STK4: variants seen among roughly 807,000 people sequenced by gnomAD.
The protein encoded by STK4 is serine/threonine kinase 4.
STK4 carries 30 observed loss-of-function variants against 64.9 expected under a neutral mutation model. That is an observed-to-expected ratio of 0.46 (90% CI 0.35 to 0.63). STK4 has a LOEUF of 0.63. Among genes scored for constraint, STK4 ranks in the 20% least tolerant of loss-of-function variants. STK4 has a pLI of 0.01. For missense variants in STK4, 466 were observed against 598.5 expected, an observed-to-expected ratio of 0.78 and a Z score of 2.31; for synonymous variants, 177 against 199.0, an observed-to-expected ratio of 0.89 and a Z score of 0.93.
rs578197202 is a variant in STK4, at chr20:44,985,641, CT to C, written c.361-1484del. Among the ~76,000 whole-genome samples, 24 of 152,300 alleles carry C rather than the reference CT, an allele frequency of 1.6e-4. 1 individual carries two copies. The South Asian group carries it at 4.1e-3, about 26-fold the overall frequency. On this transcript the variant is annotated intron_variant, in intron 4 of 10. Coordinates refer to ENST00000372806, the MANE Select transcript of STK4 (RefSeq NM_006282.5). ...TACAGGCATGTGCCACTGTGCTTGACTTTTTTTCATATTATTAGCATAGTAC... is the reference window on the plus strand; with the variant it reads ...TACAGGCATGTGCCACTGTGCTTGACTTTTTTCATATTATTAGCATAGTAC...
chr20:45,005,504 C>T (rs555487921), intron 9 of STK4, among the ~76,000 whole-genome samples: 4 of 151,946 alleles, frequency 2.6e-5, no homozygotes, highest in East Asian at 1.9e-4. Context: ...AAATATTAGC[C>T]GGGCATGGTG....
Position 45,001,321 on chromosome 20 carries a change from C to T in STK4, c.1115C>T (p.Ala372Val), listed in dbSNP as rs1166439547. 1.2e-6 allele frequency: 2 copies of T among 1,613,406 alleles called. No homozygotes were observed. Among genetic ancestry groups the T allele is most frequent in the African/African-American group, 1.3e-5 (1 of 74,904 alleles). ...CAACTGGGCACCATGGTGATCAATG[C>T]AGAGGATGAGGAAGAGGAAGGAACT... Reference protein sequence around the residue: ...PSQLGTMVINAEDEEEEGTMK... With the variant: ...PSQLGTMVINVEDEEEEGTMK... The change falls in exon 9 of 11, where the codon GCA becomes GTA. Residue 372 changes from alanine to valine, a missense_variant. By Grantham distance (64) the Ala-to-Val change is moderately conservative. Transcript: ENST00000372806.
At chr20:45,015,156 G>C (rs1336709084) in intron 9 of STK4, among the ~76,000 whole-genome samples, 1 of 152,184 alleles carries the variant, frequency 6.6e-6, no homozygotes, top group African/African-American at 2.4e-5. Flanking sequence ...ACCTATTGTT[G>C]CTGTGAGTTT....
At chr20:44,981,103 CAT>C (rs1357083800) in intron 3 of STK4, among the ~76,000 whole-genome samples, 1 of 152,134 alleles carries the variant, frequency 6.6e-6, no homozygotes, top group African/African-American at 2.4e-5. Context: ...CATGTTATCA[CAT>C]AGTCTATAAC....
At chr20:44,999,205 G>A (rs180781501) in intron 7 of STK4, among the ~76,000 whole-genome samples, 1 of 152,314 alleles carries the variant, frequency 6.6e-6, no homozygotes, top group African/African-American at 2.4e-5. Flanking sequence ...TCTTATTACA[G>A]AAGGTGGGAT....
intron 7 of STK4, among the ~76,000 whole-genome samples, chr20:44,999,985 A>G (rs1202577799): frequency 1.2e-4 from 19 of 152,234 alleles, no homozygotes; most frequent in Admixed American, 1.2e-3. Flanking sequence ...AAATGTGCAG[A>G]ATCTGCCACA....
Position 45,025,031 on chromosome 20 carries a change from A to G in STK4, c.1206A>G (p.Lys402=). The part of the protein sequence containing the change: ...KPSFLEYFEQ[K]EKENQINSFG... Reference sequence around the variant, plus strand: ...CCTTTCTTGAATATTTTGAACAAAAAGAAAAGGAAAACCAGATCAACAGCT... The same window carrying G: ...CCTTTCTTGAATATTTTGAACAAAAGGAAAAGGAAAACCAGATCAACAGCT... Residue 402 remains lysine, a synonymous_variant, in exon 10 of 11, where the codon AAA becomes AAG. Transcript: ENST00000372806. 2 of 1,613,640 alleles carry G rather than the reference A, an allele frequency of 1.2e-6. No homozygotes were observed. Among genetic ancestry groups the G allele is most frequent in the Non-Finnish European group, 1.7e-6 (2 of 1,179,776 alleles).
chr20:44,985,575 T>G (rs2067517697), intron 4 of STK4, among the ~76,000 whole-genome samples: 1 of 152,204 alleles, frequency 6.6e-6, no homozygotes, highest in Non-Finnish European at 1.5e-5. Flanking sequence ...ACTCCTGGCC[T>G]CAAGTGATCT....
chr20:44,975,420 G>A (rs915997836), intron 2 of STK4: 2 of 978,854 alleles, frequency 2.0e-6, no homozygotes, highest in South Asian at 4.7e-5. Flanking sequence ...GGTATGAAGA[G>A]TGTTCTGGTC....
chr20:45,003,729 T>TTTTTA (rs2067882926), intron 9 of STK4, among the ~76,000 whole-genome samples: 1 of 150,968 alleles, frequency 6.6e-6, no homozygotes, highest in African/African-American at 2.4e-5. Flanking sequence ...TTTTTTTTTT[T>TTTTTA]TTTGGAGACG....
chr20:45,057,777 C>T (rs995033112), intron 10 of STK4, among the ~76,000 whole-genome samples: 3 of 152,112 alleles, frequency 2.0e-5, no homozygotes, highest in African/African-American at 7.2e-5. Context: ...TTAAACCTTT[C>T]AAAATGAAAA....
Position 44,978,412 on chromosome 20 carries a change from T to C in STK4, c.117-31T>C, listed in dbSNP as rs112959248. ...CTTATATCTTGGCTTGCTTTGACTTTATAAATGTTCTTCTTCTCCCAAATG... is the reference window on the plus strand; with the variant it reads ...CTTATATCTTGGCTTGCTTTGACTTCATAAATGTTCTTCTTCTCCCAAATG... On this transcript the variant is annotated intron_variant, in intron 2 of 10. Coordinates refer to ENST00000372806, the MANE Select transcript of STK4 (RefSeq NM_006282.5). 6.7e-4 allele frequency: 1,065 copies of C among 1,598,604 alleles called. 5 individuals are homozygous for C. The African/African-American group carries it at 0.012, about 19-fold the overall frequency.
intron 10 of STK4, among the ~76,000 whole-genome samples, chr20:45,026,315 A>AAG (rs1461560771): frequency 3.9e-5 from 4 of 102,790 alleles, no homozygotes; most frequent in African/African-American, 1.3e-4. Context: ...AGGAGACAGA[A>AAG]AGAGTGTGTG....
chr20:45,018,066 A>C (rs148250609), intron 9 of STK4, among the ~76,000 whole-genome samples: 3 of 152,382 alleles, frequency 2.0e-5, no homozygotes, highest in Admixed American at 6.5e-5. Flanking sequence ...TAAAGCACTT[A>C]GGTGCCTGGT....
intron 2 of STK4, 26 bp from the exon 3 acceptor site, chr20:44,978,417 A>T: frequency 6.3e-7 from 1 of 1,599,080 alleles, no homozygotes; most frequent in East Asian, 2.2e-5. Flanking sequence ...GACTTTATAA[A>T]TGTTCTTCTT....
intron 10 of STK4, among the ~76,000 whole-genome samples, chr20:45,052,336 A>C (rs558936638): frequency 6.6e-6 from 1 of 152,166 alleles, no homozygotes; most frequent in Non-Finnish European, 1.5e-5. Flanking sequence ...TAATACTTAG[A>C]TATTATTTTA....
intron 9 of STK4, among the ~76,000 whole-genome samples, chr20:45,016,076 G>A (rs2068136776): frequency 6.6e-6 from 1 of 152,182 alleles, no homozygotes; most frequent in African/African-American, 2.4e-5. Context: ...TGAGCTAAGG[G>A]AAGGTCACTT....
intron 9 of STK4, among the ~76,000 whole-genome samples, chr20:45,009,526 G>A (rs1601257706): frequency 6.6e-6 from 1 of 151,958 alleles, no homozygotes; most frequent in Admixed American, 6.6e-5. Context: ...GGCTCTTTTT[G>A]GTTCCATATA....
intron 9 of STK4, among the ~76,000 whole-genome samples, chr20:45,017,533 G>C (rs1415924830): frequency 6.6e-6 from 1 of 152,224 alleles, no homozygotes; most frequent in Non-Finnish European, 1.5e-5. Flanking sequence ...GTTGGCCGAA[G>C]CAGATGTGGG....
Sources: allele counts gnomAD v4.1 joint callset (sites outside exome capture counted in the v4.1 genomes callset), GRCh38; gene constraint gnomAD v4.1.1; transcripts MANE v1.5; gene names NCBI Gene and HGNC (gene_info 2026-07-23, HGNC 2026-07-21).